MCTP2: variants seen among roughly 807,000 people sequenced by gnomAD.
The protein encoded by MCTP2 is multiple C2 and transmembrane domain-containing protein 2.
In MCTP2, 132 loss-of-function variants were observed where a neutral mutation model predicts 111.6. The ratio of observed to expected loss-of-function variants is 1.18; its 90% CI spans 1.03 to 1.37. MCTP2 has a LOEUF of 1.37. Ranked by LOEUF, MCTP2 falls within the 40% of genes most tolerant of loss-of-function variation. The probability of loss-of-function intolerance (pLI) is 0.00; values close to 1 mark genes in which losing one functional copy is unlikely to be tolerated. For synonymous variants in MCTP2, 395 were observed against 387.7 expected, an observed-to-expected ratio of 1.02 and a Z score of -0.22; for missense variants, 1,183 against 1,067.9, an observed-to-expected ratio of 1.11 and a Z score of -1.50.
At chr15:94,276,099 C>G (rs939906121) in intron 1 of MCTP2, among the ~76,000 whole-genome samples, 1 of 152,086 alleles carries the variant, frequency 6.6e-6, no homozygotes, top group Non-Finnish European at 1.5e-5. Context: ...CCGCCTTGGC[C>G]TCCCAAAGTG....
chr15:94,339,174 A>G, intron 4 of MCTP2, 116 bp from the exon 5 acceptor site: 3 of 678,830 alleles, frequency 4.4e-6, no homozygotes, highest in Non-Finnish European at 6.9e-6. Flanking sequence ...GAGCCCTTTA[A>G]TCTCTGTGCA....
At chr15:94,248,136 A>G (rs2072150234) in intron 1 of MCTP2, among the ~76,000 whole-genome samples, 1 of 152,220 alleles carries the variant, frequency 6.6e-6, no homozygotes, top group Admixed American at 6.5e-5. Context: ...GGCTTGGGGT[A>G]GAACTTGTTA....
At chr15:94,256,197 A>C (rs1323797163) in intron 1 of MCTP2, among the ~76,000 whole-genome samples, 1 of 152,220 alleles carries the variant, frequency 6.6e-6, no homozygotes, top group Non-Finnish European at 1.5e-5. Context: ...TTTCATGTGC[A>C]AAATTATTGA....
chr15:94,335,484 T>A (rs1489318600), intron 4 of MCTP2, among the ~76,000 whole-genome samples: 1 of 152,232 alleles, frequency 6.6e-6, no homozygotes, highest in Admixed American at 6.5e-5. Context: ...AGACTTATAG[T>A]CAATGGCTGA....
intron 20 of MCTP2, among the ~76,000 whole-genome samples, chr15:94,459,046 T>C (rs1363003592): frequency 6.6e-6 from 1 of 152,246 alleles, no homozygotes; most frequent in East Asian, 1.9e-4. Flanking sequence ...TCTGTTTTGT[T>C]TTATACATTA....
intron 4 of MCTP2, among the ~76,000 whole-genome samples, chr15:94,335,850 A>AT (rs1037449698): frequency 1.3e-5 from 2 of 152,094 alleles, no homozygotes; most frequent in African/African-American, 4.8e-5. Flanking sequence ...AAACAATTCT[A>AT]TTTTTTTTCC....
intron 18 of MCTP2, among the ~76,000 whole-genome samples, chr15:94,442,031 T>G (rs897952120): frequency 6.6e-6 from 1 of 152,230 alleles, no homozygotes; most frequent in African/African-American, 2.4e-5. Context: ...CTCTGGATAC[T>G]TTAGAGTTAC....
intron 20 of MCTP2, among the ~76,000 whole-genome samples, chr15:94,463,610 A>G (rs773408003): frequency 1.4e-4 from 22 of 152,122 alleles, no homozygotes; most frequent in Non-Finnish European, 2.5e-4. Context: ...TAGCTGTCAT[A>G]CAGTGTGGTT....
At chr15:94,387,787 G>A (rs1297542311) in intron 14 of MCTP2, among the ~76,000 whole-genome samples, 3 of 152,254 alleles carry the variant, frequency 2.0e-5, no homozygotes, top group Non-Finnish European at 2.9e-5. Context: ...GGGAATATGT[G>A]TGGGGAAGGG....
At chr15:94,324,412 T>G (rs2076764641) in intron 4 of MCTP2, among the ~76,000 whole-genome samples, 1 of 152,198 alleles carries the variant, frequency 6.6e-6, no homozygotes, top group Non-Finnish European at 1.5e-5. Flanking sequence ...TGCCCTCTTG[T>G]GGCCACTCTG....
intron 1 of MCTP2, among the ~76,000 whole-genome samples, chr15:94,297,451 A>G (rs75544525): frequency 0.026 from 3,913 of 152,300 alleles, 165 homozygotes; most frequent in African/African-American, 0.086. Context: ...GAATAAGAAC[A>G]AAACTCACAT....
chr15:94,304,885 C>T (rs910425247), intron 2 of MCTP2, among the ~76,000 whole-genome samples: 3 of 152,122 alleles, frequency 2.0e-5, no homozygotes, highest in Non-Finnish European at 2.9e-5. Context: ...ATTGAGGCTT[C>T]CTGGCGTGAC....
chr15:94,363,767 A>C (rs1286229701), intron 10 of MCTP2, among the ~76,000 whole-genome samples: 1 of 152,018 alleles, frequency 6.6e-6, no homozygotes. Context: ...TGGAATAAAA[A>C]TTTCCTGGTC....
Position 94,384,119 on chromosome 15 carries a change from T to C in MCTP2, c.1680T>C (p.Phe560=). The change falls in exon 13 of 23, where the codon TTT becomes TTC. Residue 560 remains phenylalanine (F), a synonymous_variant. Transcript: ENST00000357742. ...TCAACCCTGAATGGAACAAAGTTTT[T>C]ACATTGTAAGTGCTTTAGCCTCTGG... ...KNLNPEWNKV[F]TFPIKDIHDV... is the part of the protein sequence containing the mutation. The C allele has an allele frequency of 1.2e-6, 2 of 1,610,388 alleles. No individual in the cohort carries two copies. The highest frequency in any genetic ancestry group is 1.7e-6 in the Non-Finnish European group (2 of 1,176,990).
At chr15:94,400,666 T>G (rs1042358601) in intron 16 of MCTP2, among the ~76,000 whole-genome samples, 1 of 150,470 alleles carries the variant, frequency 6.6e-6, no homozygotes, top group Non-Finnish European at 1.5e-5. Flanking sequence ...TGTTGTACTC[T>G]CCGCAGCTCA....
chr15:94,474,679 C>T (rs144238367), intron 21 of MCTP2, among the ~76,000 whole-genome samples: 213 of 152,122 alleles, frequency 1.4e-3, no homozygotes, highest in Non-Finnish European at 2.5e-3. Flanking sequence ...ACCAACATGG[C>T]GAAACCCCAT....
intron 14 of MCTP2, among the ~76,000 whole-genome samples, chr15:94,386,410 C>G (rs982652404): frequency 1.3e-5 from 2 of 152,202 alleles, no homozygotes; most frequent in African/African-American, 4.8e-5. Context: ...TGAGATTAGC[C>G]TAACTCACTT....
chr15:94,341,450 C>A (rs1307704106), intron 7 of MCTP2: 1 of 152,232 alleles, frequency 6.6e-6, no homozygotes, highest in Non-Finnish European at 1.5e-5. Flanking sequence ...AGAACAAAAG[C>A]ATCTTTGATG....
At chr15:94,267,289 T>C (rs1027561931) in intron 1 of MCTP2, among the ~76,000 whole-genome samples, 3 of 152,240 alleles carry the variant, frequency 2.0e-5, no homozygotes, top group Non-Finnish European at 4.4e-5. Flanking sequence ...TTCCAGAATG[T>C]CATTAAGAAT....
Sources: allele counts gnomAD v4.1 joint callset (sites outside exome capture counted in the v4.1 genomes callset), GRCh38; gene constraint gnomAD v4.1.1; transcripts MANE v1.5; gene names NCBI Gene and HGNC (gene_info 2026-07-23, HGNC 2026-07-21).